Variants in GPC6 observed in about 807,000 individuals in gnomAD.
The protein encoded by GPC6 is glypican 6.
GPC6 carries 14 observed loss-of-function variants against 55.2 expected under a neutral mutation model. That is an observed-to-expected ratio of 0.25 (90% CI 0.17 to 0.40). GPC6 has a LOEUF of 0.40. Among genes scored for constraint, GPC6 ranks in the 10% least tolerant of loss-of-function variants. The pLI is 1.00. For synonymous variants in GPC6, 278 were observed against 259.6 expected (o/e 1.07, Z -0.68); for missense variants, 641 against 708.5 (o/e 0.90, Z 1.08).
intron 5 of GPC6, among the ~76,000 whole-genome samples, chr13:94,289,228 G>A (rs529182097): frequency 2.6e-5 from 4 of 151,906 alleles, no homozygotes; most frequent in South Asian, 2.1e-4. Flanking sequence ...TCTCAAGTCC[G>A]ACAGAGCTTA....
intron 2 of GPC6, among the ~76,000 whole-genome samples, chr13:93,744,185 C>T (rs1322023459): frequency 6.6e-6 from 1 of 152,114 alleles, no homozygotes. Context: ...ACATTGTTGA[C>T]CTTTCCACAT....
chr13:93,294,042 T>G (rs1878401461), intron 1 of GPC6, among the ~76,000 whole-genome samples: 1 of 152,198 alleles, frequency 6.6e-6, no homozygotes, highest in African/African-American at 2.4e-5. Context: ...TAATATATTC[T>G]CACCACACAA....
chr13:93,321,277 A>G (rs1594094767), intron 1 of GPC6, among the ~76,000 whole-genome samples: 4 of 152,230 alleles, frequency 2.6e-5, no homozygotes, highest in Admixed American at 2.6e-4. Flanking sequence ...AGCCATTCAC[A>G]TTTCATTAAT....
intron 2 of GPC6, among the ~76,000 whole-genome samples, chr13:93,563,759 GA>G (rs532310587): frequency 0.063 from 6,620 of 105,386 alleles, 264 homozygotes; most frequent in African/African-American, 0.14. Context: ...GAGAATGAAA[GA>G]AAAAAAAAAA....
At chr13:94,271,377 C>T (rs867636748) in intron 4 of GPC6, among the ~76,000 whole-genome samples, 3 of 112,766 alleles carry the variant, frequency 2.7e-5, no homozygotes, top group East Asian at 2.1e-4. Context: ...CGCGCGCGCG[C>T]GCGCGCACAC....
At chr13:94,356,817 G>T (rs1878819495) in intron 6 of GPC6, among the ~76,000 whole-genome samples, 1 of 152,190 alleles carries the variant, frequency 6.6e-6, no homozygotes, top group Non-Finnish European at 1.5e-5. Flanking sequence ...CGGGAGGGTT[G>T]TTTGAGCCCG....
At chr13:94,165,907 A>G (rs982976019) in intron 4 of GPC6, among the ~76,000 whole-genome samples, 10 of 152,106 alleles carry the variant, frequency 6.6e-5, no homozygotes, top group Non-Finnish European at 1.5e-5. Flanking sequence ...CTAATAGTAA[A>G]TTTACAAATA....
At chr13:93,749,634 G>A (rs1280005641) in intron 2 of GPC6, among the ~76,000 whole-genome samples, 4 of 151,860 alleles carry the variant, frequency 2.6e-5, no homozygotes, top group African/African-American at 9.7e-5. Context: ...TAACATGTAT[G>A]ACATTATGCT....
intron 1 of GPC6, among the ~76,000 whole-genome samples, chr13:93,408,007 A>G (rs1405579477): frequency 6.6e-6 from 1 of 152,142 alleles, no homozygotes; most frequent in Non-Finnish European, 1.5e-5. Context: ...GATTATGTGC[A>G]AGGTTTTATC....
intron 4 of GPC6, among the ~76,000 whole-genome samples, chr13:94,162,845 T>G (rs1436859892): frequency 6.6e-6 from 1 of 152,138 alleles, no homozygotes; most frequent in African/African-American, 2.4e-5. Context: ...TTAAGTAAGT[T>G]AAATTCAGTA....
At chr13:94,045,267 T>C (rs1315039363) in intron 4 of GPC6, among the ~76,000 whole-genome samples, 1 of 151,880 alleles carries the variant, frequency 6.6e-6, no homozygotes, top group East Asian at 1.9e-4. Flanking sequence ...AGATAGACCA[T>C]AAAAAGCAAG....
chr13:94,337,292 C>T (rs748902189), intron 6 of GPC6, among the ~76,000 whole-genome samples: 2 of 152,074 alleles, frequency 1.3e-5, no homozygotes, highest in Admixed American at 6.5e-5. Flanking sequence ...CAGTAAATAG[C>T]GCCTGATGAG....
intron 1 of GPC6, among the ~76,000 whole-genome samples, chr13:93,496,577 C>G (rs886532696): frequency 2.0e-5 from 3 of 152,178 alleles, no homozygotes; most frequent in Admixed American, 6.5e-5. Context: ...TAGTGTTAAT[C>G]AAAAATTTTA....
intron 2 of GPC6, among the ~76,000 whole-genome samples, chr13:93,608,681 T>C (rs186728158): frequency 6.6e-6 from 1 of 152,296 alleles, no homozygotes; most frequent in East Asian, 1.9e-4. Flanking sequence ...AGGCAAGTCC[T>C]AGAGAACAGT....
chr13:93,915,143 C>T (rs1877218965), intron 3 of GPC6, among the ~76,000 whole-genome samples: 1 of 152,204 alleles, frequency 6.6e-6, no homozygotes, highest in African/African-American at 2.4e-5. Context: ...TGTTGTCTCT[C>T]TTTCTCTGCC....
chr13:93,816,465 G>A (rs1307303560), intron 2 of GPC6, among the ~76,000 whole-genome samples: 4 of 150,478 alleles, frequency 2.7e-5, no homozygotes, highest in East Asian at 1.9e-4. Flanking sequence ...TCCATGCTAC[G>A]TTGTTGTTAC....
intron 1 of GPC6, among the ~76,000 whole-genome samples, chr13:93,273,399 C>T (rs9523984): frequency 0.24 from 37,180 of 152,088 alleles, 4,670 homozygotes; most frequent in African/African-American, 0.3. Flanking sequence ...TGGCTCAAGC[C>T]TGTAATCCCA....
At chr13:94,151,721 C>T (rs1386728625) in intron 4 of GPC6, among the ~76,000 whole-genome samples, 1 of 152,068 alleles carries the variant, frequency 6.6e-6, no homozygotes, top group African/African-American at 2.4e-5. Flanking sequence ...TACAGCAGCT[C>T]TGAGACATTT....
At chr13:93,958,436 C>A (rs962284066) in intron 3 of GPC6, among the ~76,000 whole-genome samples, 1 of 152,124 alleles carries the variant, frequency 6.6e-6, no homozygotes, top group Non-Finnish European at 1.5e-5. Flanking sequence ...ATCCCAGAAC[C>A]ATCTATTGAG....
Sources: gnomAD v4.1 joint callset for allele counts (sites outside exome capture counted in the v4.1 genomes callset) on GRCh38, gnomAD v4.1.1 for gene constraint, MANE v1.5 for transcripts, NCBI Gene and HGNC (gene_info 2026-07-23, HGNC 2026-07-21) for gene names.